The following NRDE2 variants were observed in gnomAD, a reference collection of about 807,000 sequenced individuals.
The protein encoded by NRDE2 is NRDE-2, necessary for RNA interference, domain containing.
A neutral mutation model predicts 124.2 loss-of-function variants in NRDE2; 76 were observed. The ratio of observed to expected loss-of-function variants is 0.61; its 90% CI spans 0.51 to 0.74. The LOEUF (loss-of-function observed/expected upper bound fraction) is 0.74. NRDE2 is among the 30% of genes least tolerant of loss of function. NRDE2 has a pLI of 0.00. For synonymous variants in NRDE2, 489 were observed against 528.1 expected (o/e 0.93, Z 1.01); for missense variants, 1,314 against 1,417.3 (o/e 0.93, Z 1.17).
At chr14:90,315,028 T>C (rs1884988011) in intron 3 of NRDE2, among the ~76,000 whole-genome samples, 1 of 151,342 alleles carries the variant, frequency 6.6e-6, no homozygotes, top group African/African-American at 2.4e-5. Context: ...AACACAAAAA[T>C]TAGCCGGGCG....
intron 4 of NRDE2, among the ~76,000 whole-genome samples, chr14:90,308,355 C>T (rs960845002): frequency 3.9e-5 from 6 of 152,164 alleles, no homozygotes; most frequent in African/African-American, 9.7e-5. Context: ...AGTGTCACTG[C>T]GGGATGCTCA....
intron 1 of NRDE2, among the ~76,000 whole-genome samples, chr14:90,319,866 T>C (rs1040426988): frequency 1.3e-5 from 2 of 152,264 alleles, no homozygotes; most frequent in African/African-American, 4.8e-5. Flanking sequence ...CTGGGTGATA[T>C]GGTAACTCAT....
chr14:90,325,157 T>C (rs9944124), intron 1 of NRDE2, among the ~76,000 whole-genome samples: 97,916 of 151,982 alleles, frequency 0.64, 32,012 homozygotes, highest in African/African-American at 0.74. Context: ...GTGCCATTTT[T>C]TGATTTGTGG....
chr14:90,298,450 C>T (rs750993252), intron 7 of NRDE2, 70 bp from the exon 8 acceptor site: 62 of 1,501,284 alleles, frequency 4.1e-5, no homozygotes, highest in Non-Finnish European at 5.4e-5. Flanking sequence ...GCAAAATCCG[C>T]GCTGGTGGAT....
intron 1 of NRDE2, among the ~76,000 whole-genome samples, chr14:90,319,466 G>C (rs184980450): frequency 3.7e-4 from 56 of 152,184 alleles, no homozygotes; most frequent in Non-Finnish European, 6.6e-4. Flanking sequence ...AGACCTATTA[G>C]CAGTCCACTC....
Position 90,288,230 on chromosome 14 carries a change from C to T in NRDE2, c.3145G>A (p.Glu1049Lys), listed in dbSNP as rs763551783. 6 of 1,613,630 alleles carry T rather than the reference C, an allele frequency of 3.7e-6. No homozygotes were observed. The highest frequency in any genetic ancestry group is 2.2e-5 in the East Asian group (1 of 44,894). The change falls in exon 11 of 14, where the codon GAA becomes AAA. Residue 1049 changes from glutamate (E) to lysine (K), a missense_variant. Transcript: ENST00000354366. The stretch of plus-strand genomic sequence containing the variant: ...GTCTGGAATTACCTCTGGACAGTTT[C>T]CACCAGTCTCTTCCTCAGTTTCTCA... Reference protein sequence around the residue: ...EAEKLRKRLVETVQRLDGREI... With the variant: ...EAEKLRKRLVKTVQRLDGREI...
intron 11 of NRDE2, among the ~76,000 whole-genome samples, chr14:90,287,481 C>G (rs775377754): frequency 6.7e-4 from 101 of 151,766 alleles, no homozygotes; most frequent in Non-Finnish European, 1.3e-3. Flanking sequence ...AAAAATTAGC[C>G]AGGCGTGGTG....
intron 3 of NRDE2, among the ~76,000 whole-genome samples, chr14:90,312,755 C>T (rs537199349): frequency 2.9e-4 from 44 of 152,300 alleles, no homozygotes; most frequent in African/African-American, 1.0e-3. Flanking sequence ...AAACCTGTCA[C>T]CACTAAATGA....
At chr14:90,329,554 A>C (rs1885583717) in intron 1 of NRDE2, among the ~76,000 whole-genome samples, 2 of 152,104 alleles carry the variant, frequency 1.3e-5, no homozygotes, top group Middle Eastern at 3.4e-3. Flanking sequence ...AAAAAAAAGT[A>C]GGCTGGGTAC....
Position 90,302,832 on chromosome 14 carries a change from C to T in NRDE2, c.1299G>A (p.Ser433=), listed in dbSNP as rs937745011. The part of the protein sequence containing the change: ...LFCQSQFSTF[S]ISKIHSLYGK... ...CATAAAGACTGTGAATTTTTGATAT[C>T]GAAAAGGTACTAAACTGGCTCTGGC... Residue 433 remains serine (S), a synonymous_variant, in exon 6 of 14, where the codon TCG becomes TCA. Transcript: ENST00000354366. 1.1e-5 allele frequency: 17 copies of T among 1,614,060 alleles called. No individual in the cohort carries two copies. Among genetic ancestry groups the T allele is most frequent in the Middle Eastern group, 1.6e-4 (1 of 6,062 alleles).
rs1309707235 is a variant in NRDE2 at position 90,272,254 on chromosome 14, A to C, written c.*6082T>G. 4 of 1,600,900 alleles carry C rather than the reference A, an allele frequency of 2.5e-6. No individual in the cohort carries two copies. In the Admixed American group the frequency reaches 7.2e-5, roughly 29 times the overall value. ...AAAATGAGTATGTCACTTTCTGAAC[A>C]CACTCTTCTTTCTTACAGGCAATCT... On this transcript the variant is annotated 3_prime_UTR_variant, in exon 14 of 14. Transcript: ENST00000354366. The surrounding 1 kb of genome is among the most constrained non-coding windows in gnomAD (Gnocchi z 4.5).
intron 1 of NRDE2, among the ~76,000 whole-genome samples, chr14:90,321,157 G>T (rs1203953151): frequency 6.6e-6 from 1 of 152,164 alleles, no homozygotes; most frequent in Non-Finnish European, 1.5e-5. Flanking sequence ...GATGACAGCT[G>T]GAAGAAAATG....
chr14:90,274,807 CACACACACACACACACACACACACACACA>C lies in NRDE2; in HGVS notation c.*3500_*3528del, dbSNP rs1891760503. 1.5e-5 allele frequency: 1 copy of C among 67,618 alleles called. No individual in the cohort carries two copies. Among genetic ancestry groups the C allele is most frequent in the Non-Finnish European group, 3.0e-5 (1 of 33,368 alleles). The allele number at this position is 67,618 out of a possible 1,614,324, so 4.2% of individuals were successfully genotyped here. ...GGAACTACACACACACACACACACACACACACACACACACACACACACACACACACACCCCAATACATATGAATTGATCT... is the reference window on the plus strand; with the variant it reads ...GGAACTACACACACACACACACACACCACCCCAATACATATGAATTGATCT... On this transcript the variant is annotated 3_prime_UTR_variant, in exon 14 of 14. Transcript: ENST00000354366.
chr14:90,279,139 G>A lies in NRDE2; in HGVS notation c.3298-6C>T, dbSNP rs1273024987. The A allele has an allele frequency of 8.7e-6, 14 of 1,604,252 alleles. No individual in the cohort carries two copies. The highest frequency in any genetic ancestry group is 1.2e-5 in the Non-Finnish European group (14 of 1,170,932). Reference sequence around the variant, plus strand: ...TCTTTATTTCCTAAGGAAACCTGAGGTGAGGGGGAGAAAATACAAACATGA... The same window carrying A: ...TCTTTATTTCCTAAGGAAACCTGAGATGAGGGGGAGAAAATACAAACATGA... On this transcript the variant is annotated splice_region_variant and splice_polypyrimidine_tract_variant and intron_variant, in intron 12 of 13. Coordinates refer to ENST00000354366, the MANE Select transcript of NRDE2 (RefSeq NM_017970.4).
Position 90,271,149 on chromosome 14 carries a change from A to G in NRDE2, c.*7187T>C, listed in dbSNP as rs1043631382. ...GTGATTTGCCAAGAGTTAACATTTT[A>G]CCTGTTTGCTTTTTCTCTTTCTATA... On this transcript the variant is annotated 3_prime_UTR_variant, in exon 14 of 14. Transcript: ENST00000354366. 2 of 152,192 alleles carry G rather than the reference A, an allele frequency of 1.3e-5. No homozygotes were observed. Among genetic ancestry groups the G allele is most frequent in the Non-Finnish European group, 2.9e-5 (2 of 68,032 alleles). 9.4% of individuals were successfully genotyped at this position (152,192 alleles called of 1,614,324 possible). A position where few individuals can be genotyped will look rare whatever the true frequency, so the allele number is the denominator to read the frequency against.
chr14:90,320,995 A>G (rs1885220061), intron 1 of NRDE2, among the ~76,000 whole-genome samples: 1 of 152,194 alleles, frequency 6.6e-6, no homozygotes, highest in Non-Finnish European at 1.5e-5. Context: ...AAGATATGTG[A>G]AACTAGTTCC....
chr14:90,294,551 C>T (rs1050362493), intron 8 of NRDE2, among the ~76,000 whole-genome samples: 1 of 152,126 alleles, frequency 6.6e-6, no homozygotes, highest in Admixed American at 6.5e-5. Context: ...TGAACCCTGA[C>T]GACACTACGC....
intron 4 of NRDE2, among the ~76,000 whole-genome samples, chr14:90,307,878 C>T (rs532913707): frequency 6.6e-6 from 1 of 152,206 alleles, no homozygotes; most frequent in Non-Finnish European, 1.5e-5. Flanking sequence ...ACTTCAGCCT[C>T]CTGAATAGCT....
chr14:90,282,986 A>G (rs553630112), intron 12 of NRDE2, among the ~76,000 whole-genome samples: 2 of 152,370 alleles, frequency 1.3e-5, no homozygotes, highest in South Asian at 4.1e-4. Flanking sequence ...GTGCATATGT[A>G]TAAGCAAGCA....
Sources: gnomAD v4.1 joint callset for allele counts (sites outside exome capture counted in the v4.1 genomes callset) on GRCh38, gnomAD v4.1.1 for gene constraint, Gnocchi (gnomAD v3.1) non-coding constraint, MANE v1.5 for transcripts, NCBI Gene and HGNC (gene_info 2026-07-23, HGNC 2026-07-21) for gene names.